The following CAPRIN2 variants were observed in gnomAD, a reference collection of about 807,000 sequenced individuals.
The protein encoded by CAPRIN2 is caprin-2.
In CAPRIN2, 66 loss-of-function variants were observed where a neutral mutation model predicts 130.4. The ratio of observed to expected loss-of-function variants is 0.51; its 90% CI spans 0.42 to 0.62. The LOEUF (loss-of-function observed/expected upper bound fraction) is 0.62. Among genes scored for constraint, CAPRIN2 ranks in the 20% least tolerant of loss-of-function variants. CAPRIN2 has a pLI of 0.00. For synonymous variants in CAPRIN2, 471 were observed against 444.1 expected (o/e 1.06, Z -0.76); for missense variants, 1,185 against 1,246.6 (o/e 0.95, Z 0.74).
chr12:30,723,522 G>A (rs78035288), intron 10 of CAPRIN2, among the ~76,000 whole-genome samples: 2,332 of 152,292 alleles, frequency 0.015, 27 homozygotes, highest in Middle Eastern at 0.044. Flanking sequence ...GACACAGAGT[G>A]ATGCTTTAAG....
chr12:30,726,054 G>A, exon 9 of CAPRIN2: 1 of 1,591,242 alleles, frequency 6.3e-7, no homozygotes, highest in Non-Finnish European at 8.6e-7. Flanking sequence ...AAGGGTAGAG[G>A]AAGAACCTAC....
At chr12:30,753,504 G>T (rs776047375) in exon 1 of CAPRIN2, 1 of 1,614,162 alleles carries the variant, frequency 6.2e-7, no homozygotes, top group Non-Finnish European at 8.5e-7. Flanking sequence ...GTTCACTTGG[G>T]GCTTGGCTGA....
chr12:30,731,257 A>G, intron 6 of CAPRIN2, 86 bp downstream of exon 7: 2 of 994,510 alleles, frequency 2.0e-6, no homozygotes. Flanking sequence ...ACAAATTAAA[A>G]TAAGGCAATC....
chr12:30,737,888 C>T (rs1298125389), intron 3 of CAPRIN2, among the ~76,000 whole-genome samples: 4 of 152,030 alleles, frequency 2.6e-5, no homozygotes, highest in South Asian at 4.1e-4. Context: ...TGAGCCACCG[C>T]GCCTGGCCGA....
intron 8 of CAPRIN2, 77 bp downstream of exon 9, chr12:30,728,569 AAG>A (rs2061622838): frequency 1.6e-6 from 2 of 1,257,866 alleles, no homozygotes; most frequent in East Asian, 2.4e-5. Context: ...AAAAAAAAAA[AAG>A]AGAACTAAAA....
intron 13 of CAPRIN2, chr12:30,715,826 G>A (rs892747140): frequency 5.9e-6 from 1 of 168,778 alleles, no homozygotes; most frequent in Non-Finnish European, 1.3e-5. Context: ...GTAGAGGGGA[G>A]AACAGAATCA....
intron 12 of CAPRIN2, 77 bp downstream of exon 13, chr12:30,720,734 A>G (rs1345133072): frequency 3.0e-5 from 25 of 823,516 alleles, no homozygotes. Context: ...TCAACTAATC[A>G]TGCCTGTAAT....
chr12:30,730,156 G>A, intron 7 of CAPRIN2, 83 bp downstream of exon 8: 1 of 1,147,812 alleles, frequency 8.7e-7, no homozygotes, highest in South Asian at 1.3e-5. Context: ...AGGCAGTCTG[G>A]CTCCAGAGCC....
intron 12 of CAPRIN2, among the ~76,000 whole-genome samples, chr12:30,717,370 T>A (rs1002586440): frequency 6.6e-6 from 1 of 152,172 alleles, no homozygotes; most frequent in Non-Finnish European, 1.5e-5. Context: ...TGAGGTAGAA[T>A]AGGTAAATTC....
At chr12:30,711,948 C>T (rs2054924176) in intron 15 of CAPRIN2, among the ~76,000 whole-genome samples, 1 of 152,146 alleles carries the variant, frequency 6.6e-6, no homozygotes, top group Non-Finnish European at 1.5e-5. Flanking sequence ...GTGGCATGGT[C>T]CTCTGTCCCT....
Position 30,751,507 on chromosome 12 carries a change from A to G in CAPRIN2, c.421-374T>C, listed in dbSNP as rs191111557. The G allele has an allele frequency of 3.5e-4, 75 of 215,722 alleles. 1 individual carries two copies. In the South Asian group the frequency reaches 5.1e-3, roughly 15 times the overall value. The allele number at this position is 215,722 out of a possible 1,614,324, so 13.4% of individuals were successfully genotyped here. On this transcript the variant is annotated intron_variant, in intron 1 of 16. Coordinates refer to ENST00000298892, the Ensembl canonical transcript of CAPRIN2. Reference sequence around the variant, plus strand: ...AAGATACCTGGCAATATCTAGGGATATTTTTGGTTATCACAACTTGGGAGG... The same window carrying G: ...AAGATACCTGGCAATATCTAGGGATGTTTTTGGTTATCACAACTTGGGAGG...
rs541869321 is a variant in CAPRIN2, at chr12:30,720,488, A to G, written c.2148+323T>C. The G allele has an allele frequency of 2.0e-4, 37 of 181,712 alleles. No individual in the cohort carries two copies. In the South Asian group the frequency reaches 4.1e-3, roughly 20 times the overall value. The allele number at this position is 181,712 out of a possible 1,614,324, so 11.3% of individuals were successfully genotyped here. A position where few individuals can be genotyped will look rare whatever the true frequency, so the allele number is the denominator to read the frequency against. Reference sequence around the variant, plus strand: ...AGTTATTGAGCTTTCATTTATACAAATAAGAGACTTTTCTCCTAAAAGTCC... The same window carrying G: ...AGTTATTGAGCTTTCATTTATACAAGTAAGAGACTTTTCTCCTAAAAGTCC... On this transcript the variant is annotated intron_variant, in intron 12 of 16. Coordinates refer to ENST00000298892, the Ensembl canonical transcript of CAPRIN2.
intron 12 of CAPRIN2, among the ~76,000 whole-genome samples, chr12:30,718,569 T>C (rs718368): frequency 0.65 from 98,637 of 152,164 alleles, 33,332 homozygotes; most frequent in African/African-American, 0.84. Flanking sequence ...AAAGCCTTAA[T>C]TGCAATTTGT....
intron 6 of CAPRIN2, 64 bp downstream of exon 7, chr12:30,731,279 C>T (rs1001141097): frequency 4.7e-6 from 6 of 1,265,560 alleles, no homozygotes; most frequent in Non-Finnish European, 5.6e-6. Context: ...CTGCACAATA[C>T]GTGACTCATT....
exon 3 of CAPRIN2, chr12:30,741,102 G>T: frequency 6.3e-7 from 1 of 1,591,206 alleles, no homozygotes; most frequent in Non-Finnish European, 8.6e-7. Context: ...TTTCTCTACA[G>T]CTTCCTACCA....
chr12:30,730,840 A>C (rs1479680096), intron 6 of CAPRIN2, among the ~76,000 whole-genome samples: 1 of 152,196 alleles, frequency 6.6e-6, no homozygotes, highest in African/African-American at 2.4e-5. Flanking sequence ...AATAAATCCA[A>C]CTTTGGTAAA....
intron 3 of CAPRIN2, among the ~76,000 whole-genome samples, chr12:30,737,149 T>C (rs2065210305): frequency 6.6e-6 from 1 of 151,368 alleles, no homozygotes; most frequent in African/African-American, 2.4e-5. Flanking sequence ...GAACCACAGG[T>C]ACATGCCACC....
chr12:30,714,909 AAC>A, intron 14 of CAPRIN2, 48 bp downstream of exon 16: 1 of 1,474,552 alleles, frequency 6.8e-7, no homozygotes, highest in Non-Finnish European at 9.4e-7. Flanking sequence ...GAGTCAAGTA[AAC>A]ACACAGACAA....
intron 2 of CAPRIN2, among the ~76,000 whole-genome samples, chr12:30,747,396 G>A (rs1399814790): frequency 6.6e-6 from 1 of 152,076 alleles, no homozygotes; most frequent in East Asian, 1.9e-4. Context: ...AAATACATTT[G>A]GCCGGGCGTG....
Sources: gnomAD v4.1 joint callset for allele counts (sites outside exome capture counted in the v4.1 genomes callset) on GRCh38, gnomAD v4.1.1 for gene constraint, MANE v1.5 for transcripts, NCBI Gene and HGNC (gene_info 2026-07-23, HGNC 2026-07-21) for gene names.